Variants in CACNA1D observed in about 807,000 individuals in gnomAD.
CACNA1D encodes the protein voltage-dependent L-type calcium channel subunit alpha-1D.
In CACNA1D, 55 loss-of-function variants were observed where a neutral mutation model predicts 257.1. The ratio of observed to expected loss-of-function variants is 0.21; its 90% CI spans 0.17 to 0.27. The LOEUF (loss-of-function observed/expected upper bound fraction) is 0.27, where lower values mean the gene tolerates loss of function less well. Ranked by LOEUF, CACNA1D falls within the 10% of genes least tolerant of loss-of-function variation. CACNA1D has a pLI of 1.00. For missense variants in CACNA1D, 1,876 were observed against 2,784.0 expected (o/e 0.67, Z 7.34); for synonymous variants, 980 against 1,014.9 (o/e 0.97, Z 0.65).
chr3:53,721,379 G>A (rs1186584291), intron 11 of CACNA1D, among the ~76,000 whole-genome samples: 2 of 152,192 alleles, frequency 1.3e-5, no homozygotes, highest in Non-Finnish European at 2.9e-5. Flanking sequence ...CCCAGAGGAA[G>A]TACCCCATTG....
intron 8 of CACNA1D, chr3:53,674,091 T>C (rs566958413): frequency 2.0e-5 from 11 of 542,124 alleles, no homozygotes; most frequent in Admixed American, 1.2e-4. Flanking sequence ...GGATTACAAG[T>C]GAGTTAAAGG....
intron 3 of CACNA1D, among the ~76,000 whole-genome samples, chr3:53,558,064 G>A (rs527888550): frequency 6.6e-6 from 1 of 152,264 alleles, no homozygotes; most frequent in South Asian, 2.1e-4. Flanking sequence ...TTAATATGAT[G>A]TATTACACTG....
chr3:53,715,608 G>A (rs1036202052), intron 9 of CACNA1D, among the ~76,000 whole-genome samples: 1 of 152,110 alleles, frequency 6.6e-6, no homozygotes, highest in Non-Finnish European at 1.5e-5. Flanking sequence ...CCAGCACTCC[G>A]CATGCCTCAT....
At chr3:53,770,359 T>C in intron 31 of CACNA1D, 65 bp from the exon 32 acceptor site, 2 of 1,521,438 alleles carry the variant, frequency 1.3e-6, no homozygotes, top group Non-Finnish European at 1.8e-6. Context: ...TCTGTTGCTG[T>C]TTTTCTGAAA....
At chr3:53,537,785 G>C (rs977784044) in intron 3 of CACNA1D, among the ~76,000 whole-genome samples, 1 of 152,322 alleles carries the variant, frequency 6.6e-6, no homozygotes, top group South Asian at 2.1e-4. Context: ...TTAAAGAAAT[G>C]AGGTTACTTG....
At chr3:53,631,208 ACTT>A (rs1468848134) in intron 3 of CACNA1D, among the ~76,000 whole-genome samples, 1 of 152,136 alleles carries the variant, frequency 6.6e-6, no homozygotes, top group African/African-American at 2.4e-5. Flanking sequence ...CCACAGTAGA[ACTT>A]CTCTCAAAAT....
In CACNA1D at chr3:53,740,333, G is replaced by A. The variant is rs150266932; in HGVS notation, c.2805G>A (p.Leu935=). 1 of 1,607,834 alleles carries A rather than the reference G, an allele frequency of 6.2e-7. No individual in the cohort carries two copies. Among genetic ancestry groups the A allele is most frequent in the Non-Finnish European group, 8.5e-7 (1 of 1,174,288 alleles). The change falls in exon 21 of 48, where the codon CTG becomes CTA. Residue 935 remains leucine, a synonymous_variant. Coordinates refer to ENST00000350061, the MANE Select transcript of CACNA1D (RefSeq NM_001128840.3). ...CAGCCATCTTTACTGTTGAGATCCT[G>A]TTGAAGGTAATGAATTTTCCTTGAT... ...AFTAIFTVEI[L]LKMTTFGAFL...
chr3:53,609,409 CAAAAAA>C (rs33943272), intron 3 of CACNA1D, among the ~76,000 whole-genome samples: 1 of 79,658 alleles, frequency 1.3e-5, no homozygotes, highest in Admixed American at 1.5e-4. Context: ...GACTCTACCT[CAAAAAA>C]AAAAAAAAAA....
chr3:53,786,704 C>T (rs554161391), intron 39 of CACNA1D, 118 bp from the exon 40 acceptor site: 16 of 815,490 alleles, frequency 2.0e-5, no homozygotes, highest in Admixed American at 1.5e-4. Context: ...GTGCCTTCTG[C>T]GCCGGACCGC....
chr3:53,585,824 G>A (rs2093205759), intron 3 of CACNA1D, among the ~76,000 whole-genome samples: 1 of 152,106 alleles, frequency 6.6e-6, no homozygotes, highest in South Asian at 2.1e-4. Context: ...CCCAGTAAGG[G>A]AGGCAGTGCC....
intron 3 of CACNA1D, among the ~76,000 whole-genome samples, chr3:53,533,907 TAGC>T (rs1187090559): frequency 6.6e-6 from 1 of 152,200 alleles, no homozygotes; most frequent in African/African-American, 2.4e-5. Context: ...ACGGGGATAA[TAGC>T]ATCATCGTTA....
At chr3:53,748,861 G>A (rs111669015) in intron 26 of CACNA1D, among the ~76,000 whole-genome samples, 3 of 152,280 alleles carry the variant, frequency 2.0e-5, no homozygotes, top group African/African-American at 7.2e-5. Context: ...TAATTTTAGT[G>A]CATATCTCTG....
intron 40 of CACNA1D, among the ~76,000 whole-genome samples, chr3:53,787,877 G>C (rs751418872): frequency 6.6e-6 from 1 of 152,184 alleles, no homozygotes; most frequent in African/African-American, 2.4e-5. Flanking sequence ...CTGCTGCCCA[G>C]AGTGCTCATA....
intron 3 of CACNA1D, among the ~76,000 whole-genome samples, chr3:53,604,151 G>C (rs2093478972): frequency 6.6e-6 from 1 of 152,214 alleles, no homozygotes; most frequent in Non-Finnish European, 1.5e-5. Flanking sequence ...CTGGCTGACT[G>C]ATTCCCTTAC....
intron 3 of CACNA1D, among the ~76,000 whole-genome samples, chr3:53,523,488 G>A (rs2091653632): frequency 6.6e-6 from 1 of 152,242 alleles, no homozygotes. Context: ...AAGAATCATA[G>A]CAAATTCACA....
intron 3 of CACNA1D, among the ~76,000 whole-genome samples, chr3:53,508,026 T>C (rs1333633693): frequency 6.6e-6 from 1 of 152,164 alleles, no homozygotes; most frequent in African/African-American, 2.4e-5. Flanking sequence ...CCCTGCACCC[T>C]CGGGTTTCTG....
chr3:53,650,981 GT>G (rs2094085683), intron 4 of CACNA1D, 63 bp downstream of exon 4: 14 of 1,396,078 alleles, frequency 1.0e-5, no homozygotes, highest in African/African-American at 7.1e-5. Context: ...GTTGGGGGGG[GT>G]GGTGGTAACA....
chr3:53,788,757 T>C (rs892175487), intron 40 of CACNA1D, among the ~76,000 whole-genome samples: 3 of 152,140 alleles, frequency 2.0e-5, no homozygotes, highest in Non-Finnish European at 4.4e-5. Context: ...CTTGATAACT[T>C]TTCTGGAGGG....
intron 2 of CACNA1D, 78 bp downstream of exon 2, chr3:53,497,539 GAC>G (rs2090401679): frequency 2.1e-6 from 3 of 1,432,112 alleles, no homozygotes; most frequent in African/African-American, 2.8e-5. Context: ...TTTCTGAAGT[GAC>G]ACAAAGCTGT....
Sources: gnomAD v4.1 joint callset for allele counts (sites outside exome capture counted in the v4.1 genomes callset) on GRCh38, gnomAD v4.1.1 for gene constraint, MANE v1.5 for transcripts, NCBI Gene and HGNC (gene_info 2026-07-23, HGNC 2026-07-21) for gene names.